Variants in RORA observed in about 807,000 individuals in gnomAD.
The protein encoded by RORA is nuclear receptor ROR-alpha.
Under a neutral mutation model 69.5 loss-of-function variants are expected in RORA, and 7 were observed. That is an observed-to-expected ratio of 0.10 (90% CI 0.06 to 0.19). The LOEUF (loss-of-function observed/expected upper bound fraction) is 0.19, where lower values mean the gene tolerates loss of function less well. Among genes scored for constraint, RORA ranks in the 10% least tolerant of loss-of-function variants. RORA has a pLI of 1.00. For missense variants in RORA, 457 were observed against 663.0 expected, an observed-to-expected ratio of 0.69 and a Z score of 3.41; for synonymous variants, 261 against 240.8, an observed-to-expected ratio of 1.08 and a Z score of -0.78.
chr15:60,516,051 ATATATT>A lies in RORA; in HGVS notation c.283-1300_283-1295del, dbSNP rs1567051608. On this transcript the variant is annotated intron_variant, in intron 3 of 10. Transcript: ENST00000335670. ...TATTTATATATATTTATATATTTATATATATTTATATATATTTATATATATTTATTT... is the reference window on the plus strand; with the variant it reads ...TATTTATATATATTTATATATTTATATATATATATTTATATATATTTATTT... 3.5e-4 allele frequency among the ~76,000 whole-genome samples: 7 copies of A among 19,812 alleles called. 1 individual carries two copies. Among genetic ancestry groups the A allele is most frequent in the Non-Finnish European group, 5.8e-4 (7 of 12,006 alleles). The allele number at this position is 19,812 out of a possible 152,430, so 13.0% of individuals were successfully genotyped here. A position where few individuals can be genotyped will look rare whatever the true frequency, so the allele number is the denominator to read the frequency against.
chr15:60,623,335 A>C (rs1263379811), intron 2 of RORA, among the ~76,000 whole-genome samples: 2 of 152,236 alleles, frequency 1.3e-5, no homozygotes, highest in African/African-American at 4.8e-5. Context: ...CAGTCAGCTT[A>C]GCAAGGATTT....
At chr15:61,098,540 A>G (rs901628653) in intron 1 of RORA, among the ~76,000 whole-genome samples, 2 of 151,954 alleles carry the variant, frequency 1.3e-5, no homozygotes, top group Non-Finnish European at 2.9e-5. Flanking sequence ...CAGGAGTCTC[A>G]CTATGTTGCC....
At chr15:61,129,094 C>A (rs1214247527) in intron 1 of RORA, among the ~76,000 whole-genome samples, 1 of 152,200 alleles carries the variant, frequency 6.6e-6, no homozygotes, top group Non-Finnish European at 1.5e-5. Flanking sequence ...AAATCAAACT[C>A]TGCATTTGGC....
intron 1 of RORA, among the ~76,000 whole-genome samples, chr15:60,716,945 C>A (rs2071228869): frequency 6.6e-6 from 1 of 152,164 alleles, no homozygotes; most frequent in Admixed American, 6.5e-5. Context: ...ACATGTTTTC[C>A]TGAGTTCTTT....
chr15:61,036,445 T>C (rs1896462417), intron 1 of RORA, among the ~76,000 whole-genome samples: 2 of 152,188 alleles, frequency 1.3e-5, no homozygotes, highest in Admixed American at 6.5e-5. Context: ...ATGGGGTTCA[T>C]TTGTGAGCTA....
At chr15:60,871,947 TAAA>T (rs558362035) in intron 1 of RORA, among the ~76,000 whole-genome samples, 2 of 152,244 alleles carry the variant, frequency 1.3e-5, no homozygotes, top group East Asian at 3.8e-4. Context: ...AGACACTGGG[TAAA>T]AGGTATGCAG....
chr15:60,556,983 C>T (rs1449435089), intron 2 of RORA: 1 of 1,473,132 alleles, frequency 6.8e-7, no homozygotes, highest in Non-Finnish European at 9.5e-7. Flanking sequence ...TTTATCAGAG[C>T]ATGTATTTAT....
intron 2 of RORA, among the ~76,000 whole-genome samples, chr15:60,658,130 G>C (rs978957953): frequency 6.6e-5 from 10 of 151,816 alleles, no homozygotes; most frequent in Non-Finnish European, 7.4e-5. Flanking sequence ...GTCCAGGCTG[G>C]AGTGCAGTGG....
Position 60,946,876 on chromosome 15 carries a change from C to T in RORA, c.167-268190G>A, listed in dbSNP as rs372629051. 4.8e-4 allele frequency among the ~76,000 whole-genome samples: 73 copies of T among 151,442 alleles called. 2 individuals carry two copies. Among genetic ancestry groups the T allele is most frequent in the South Asian group, 3.4e-3 (16 of 4,750 alleles). On this transcript the variant is annotated intron_variant, in intron 1 of 10. Transcript: ENST00000335670. ...TGAGATGTGGGGAGCGCCTCTGCCC[C>T]GCCGCCCCGTCTGGGATGTGAGGAG...
intron 1 of RORA, among the ~76,000 whole-genome samples, chr15:60,748,774 G>A (rs1441112575): frequency 2.6e-5 from 4 of 152,076 alleles, no homozygotes; most frequent in South Asian, 2.1e-4. Context: ...CATTGATAAC[G>A]GGAAGTTGGG....
At chr15:60,708,019 G>A (rs920419955) in intron 1 of RORA, among the ~76,000 whole-genome samples, 3 of 152,174 alleles carry the variant, frequency 2.0e-5, no homozygotes, top group African/African-American at 7.2e-5. Context: ...TTTTGTGGAT[G>A]TATGCTCAGC....
At chr15:60,793,453 T>C (rs2072446413) in intron 1 of RORA, among the ~76,000 whole-genome samples, 1 of 152,222 alleles carries the variant, frequency 6.6e-6, no homozygotes, top group Non-Finnish European at 1.5e-5. Context: ...CAAACTGCAA[T>C]GCCCAATGCA....
At chr15:60,736,123 G>T (rs191889011) in intron 1 of RORA, among the ~76,000 whole-genome samples, 1 of 152,208 alleles carries the variant, frequency 6.6e-6, no homozygotes, top group Non-Finnish European at 1.5e-5. Flanking sequence ...AGGGCTGGGG[G>T]ATTCTCACTA....
At chr15:60,660,101 T>A (rs1245231896) in intron 2 of RORA, among the ~76,000 whole-genome samples, 2 of 152,240 alleles carry the variant, frequency 1.3e-5, no homozygotes, top group African/African-American at 4.8e-5. Flanking sequence ...TTGGCTTGAA[T>A]TAGCATCTAA....
chr15:61,098,153 C>T (rs2078820983), intron 1 of RORA, among the ~76,000 whole-genome samples: 2 of 92,372 alleles, frequency 2.2e-5, no homozygotes, highest in South Asian at 7.6e-4. Flanking sequence ...CTTTCCCTCC[C>T]TCCCTTCCTT....
At chr15:60,657,276 A>G (rs879326761) in intron 2 of RORA, among the ~76,000 whole-genome samples, 2 of 151,070 alleles carry the variant, frequency 1.3e-5, no homozygotes, top group Non-Finnish European at 3.0e-5. Context: ...CTCTCCTCTT[A>G]TTTTGGATAT....
chr15:60,815,528 A>C (rs957965140), intron 1 of RORA, among the ~76,000 whole-genome samples: 11 of 152,120 alleles, frequency 7.2e-5, no homozygotes, highest in African/African-American at 2.4e-4. Context: ...AGGACTTGGC[A>C]ACTCTAAGGG....
chr15:60,987,802 T>G (rs1044577710), intron 1 of RORA, among the ~76,000 whole-genome samples: 6 of 152,170 alleles, frequency 3.9e-5, no homozygotes, highest in African/African-American at 1.4e-4. Flanking sequence ...AATTTTTATC[T>G]CAGTTACAGA....
At chr15:61,001,168 C>T (rs973969783) in intron 1 of RORA, among the ~76,000 whole-genome samples, 1 of 152,220 alleles carries the variant, frequency 6.6e-6, no homozygotes, top group African/African-American at 2.4e-5. Flanking sequence ...GCAGTCTCAT[C>T]ACTCTGTCCC....
Sources: allele counts gnomAD v4.1 joint callset (sites outside exome capture counted in the v4.1 genomes callset), GRCh38; gene constraint gnomAD v4.1.1; transcripts MANE v1.5; gene names NCBI Gene and HGNC (gene_info 2026-07-23, HGNC 2026-07-21).